Variants in HDAC4 observed in about 807,000 individuals in gnomAD.
HDAC4 encodes the protein histone deacetylase 4.
HDAC4 carries 16 observed loss-of-function variants against 135.1 expected under a neutral mutation model. The ratio of observed to expected loss-of-function variants is 0.12; its 90% CI spans 0.08 to 0.18. The LOEUF (loss-of-function observed/expected upper bound fraction) is 0.18, where lower values mean the gene tolerates loss of function less well. HDAC4 is among the 10% of genes least tolerant of loss of function. The pLI, the probability that HDAC4 is intolerant of heterozygous loss-of-function variation, is 1.00. For synonymous variants in HDAC4, 685 were observed against 653.4 expected (o/e 1.05, Z -0.74); for missense variants, 1,143 against 1,511.8 (o/e 0.76, Z 4.05).
At chr2:239,396,652 C>T (rs1306989345) in intron 1 of HDAC4, among the ~76,000 whole-genome samples, 1 of 152,182 alleles carries the variant, frequency 6.6e-6, no homozygotes, top group Non-Finnish European at 1.5e-5. Flanking sequence ...CTTACACAGG[C>T]ATAATGTGGT....
intron 2 of HDAC4, among the ~76,000 whole-genome samples, chr2:239,350,955 A>C (rs1693109200): frequency 6.6e-6 from 1 of 152,208 alleles, no homozygotes; most frequent in Non-Finnish European, 1.5e-5. Flanking sequence ...ACCCCCATTA[A>C]AATAATCAAG....
At chr2:239,229,699 G>A (rs116692796) in intron 3 of HDAC4, among the ~76,000 whole-genome samples, 361 of 152,280 alleles carry the variant, frequency 2.4e-3, no homozygotes, top group Middle Eastern at 6.8e-3. Context: ...CAGATCCTAG[G>A]CAGACTGAAA....
chr2:239,140,507 G>C (rs575315531), intron 8 of HDAC4, among the ~76,000 whole-genome samples: 1 of 152,134 alleles, frequency 6.6e-6, no homozygotes, highest in Non-Finnish European at 1.5e-5. Context: ...GGCCGCTGAG[G>C]CTCTCGATAT....
At chr2:239,304,607 A>G (rs146234695) in intron 2 of HDAC4, among the ~76,000 whole-genome samples, 1 of 152,128 alleles carries the variant, frequency 6.6e-6, no homozygotes, top group Non-Finnish European at 1.5e-5. Context: ...CTGGTGAAAA[A>G]ACCTCACACA....
intron 1 of HDAC4, among the ~76,000 whole-genome samples, chr2:239,386,449 C>A (rs1412351480): frequency 6.6e-6 from 1 of 152,104 alleles, no homozygotes; most frequent in Non-Finnish European, 1.5e-5. Context: ...CCAAGAGGAG[C>A]GTCAGCTGAG....
intron 2 of HDAC4, among the ~76,000 whole-genome samples, chr2:239,247,602 C>A (rs562425587): frequency 2.0e-5 from 3 of 152,212 alleles, no homozygotes; most frequent in Non-Finnish European, 4.4e-5. Flanking sequence ...ACTATACAGA[C>A]GAACCATTCT....
At chr2:239,165,666 T>C (rs1292950225) in intron 5 of HDAC4, among the ~76,000 whole-genome samples, 1 of 152,214 alleles carries the variant, frequency 6.6e-6, no homozygotes, top group Non-Finnish European at 1.5e-5. Flanking sequence ...CAGGTGCGCC[T>C]CAGGTGAGGT....
chr2:239,278,605 G>C (rs2050527654), intron 2 of HDAC4, among the ~76,000 whole-genome samples: 1 of 147,542 alleles, frequency 6.8e-6, no homozygotes, highest in Non-Finnish European at 1.5e-5. Flanking sequence ...CCAGGAGACA[G>C]AGGCTGCAGT....
chr2:239,368,407 C>T (rs143795990), intron 1 of HDAC4, among the ~76,000 whole-genome samples: 26 of 152,274 alleles, frequency 1.7e-4, no homozygotes, highest in African/African-American at 4.8e-4. Flanking sequence ...GCGTGGCTGG[C>T]GCTGCTGCAT....
At chr2:239,170,826 C>T (rs550245604) in intron 5 of HDAC4, among the ~76,000 whole-genome samples, 132 of 152,260 alleles carry the variant, frequency 8.7e-4, no homozygotes, top group African/African-American at 3.1e-3. Context: ...CAGTGGGTTT[C>T]GGAAGAGGCC....
In HDAC4 at chr2:239,087,630, G is replaced by C; in HGVS notation, c.2389-16C>G. The C allele has an allele frequency of 1.2e-6, 2 of 1,613,204 alleles. No homozygotes were observed. Among genetic ancestry groups the C allele is most frequent in the Non-Finnish European group, 1.7e-6 (2 of 1,179,630 alleles). ...CAAAGCCATTCTGCAGGTGACACCAGACAGCCAGGAGAGAGCAACAAAAGA... is the reference window on the plus strand; with the variant it reads ...CAAAGCCATTCTGCAGGTGACACCACACAGCCAGGAGAGAGCAACAAAAGA... On this transcript the variant is annotated splice_polypyrimidine_tract_variant and intron_variant, in intron 18 of 26. Coordinates refer to ENST00000543185, the MANE Select transcript of HDAC4 (RefSeq NM_001378414.1).
At chr2:239,072,473 A>G (rs2034298672) in intron 22 of HDAC4, among the ~76,000 whole-genome samples, 1 of 152,328 alleles carries the variant, frequency 6.6e-6, no homozygotes, top group African/African-American at 2.4e-5. Flanking sequence ...TGCTCAGCCC[A>G]GCCTGTCCTG....
chr2:239,133,702 C>T (rs895671351), intron 11 of HDAC4, among the ~76,000 whole-genome samples: 5 of 152,136 alleles, frequency 3.3e-5, no homozygotes, highest in Non-Finnish European at 4.4e-5. Flanking sequence ...CCTGACCTCA[C>T]GTGATCCGCC....
chr2:239,197,404 G>A (rs536741632), intron 3 of HDAC4, among the ~76,000 whole-genome samples: 116 of 152,280 alleles, frequency 7.6e-4, no homozygotes, highest in African/African-American at 2.3e-3. Context: ...TTTCGAAGCC[G>A]TGTGGTTTGG....
At chr2:239,181,908 C>T (rs899084259) in intron 4 of HDAC4, among the ~76,000 whole-genome samples, 4 of 152,200 alleles carry the variant, frequency 2.6e-5, no homozygotes, top group East Asian at 1.9e-4. Flanking sequence ...CGCCTAGAGA[C>T]GCCGACTTCC....
At position 239,352,229 on chromosome 2, in the gene HDAC4, G is replaced by C. The variant is rs868861715; in HGVS notation, c.22+449C>G. Among the ~76,000 whole-genome samples, 1 of 152,072 alleles carries C rather than the reference G, an allele frequency of 6.6e-6. No individual in the cohort carries two copies. The highest frequency in any genetic ancestry group is 2.1e-4 in the South Asian group (1 of 4,824). ...CCTCACAGAGGCCCTCAAACACCAG[G>C]AGCAACTGTGGCCACGACCTCAGTG... On this transcript the variant is annotated intron_variant, in intron 2 of 26. Coordinates refer to ENST00000543185, the MANE Select transcript of HDAC4 (RefSeq NM_001378414.1). The surrounding 1 kb of genome is among the most constrained non-coding windows in gnomAD (Gnocchi z 4.4).
intron 3 of HDAC4, among the ~76,000 whole-genome samples, chr2:239,222,534 CAAA>C (rs10716644): frequency 1.4e-3 from 155 of 112,244 alleles, no homozygotes; most frequent in African/African-American, 5.2e-3. Flanking sequence ...TACCCCATAC[CAAA>C]AAAAAAAAAA....
rs2052722262 is a variant in HDAC4 at position 239,308,580 on chromosome 2, G to A, written c.22+44098C>T. The stretch of plus-strand genomic sequence containing the variant: ...GATACTGCTTCCGGAACCACACTTC[G>A]TATCCAGGTGAGCTCGTTTTTTGTA... On this transcript the variant is annotated intron_variant, in intron 2 of 26. Transcript: ENST00000543185. This position sits in a 1 kb window ranked among gnomAD's most constrained non-coding sequence, Gnocchi z 4.2. 6.6e-6 allele frequency among the ~76,000 whole-genome samples: 1 copy of A among 152,172 alleles called. No individual in the cohort carries two copies. Among genetic ancestry groups the A allele is most frequent in the Non-Finnish European group, 1.5e-5 (1 of 68,028 alleles).
intron 2 of HDAC4, among the ~76,000 whole-genome samples, chr2:239,252,642 C>T (rs898135993): frequency 1.3e-5 from 2 of 152,178 alleles, no homozygotes; most frequent in African/African-American, 2.4e-5. Context: ...GGTCTGTGCC[C>T]GCCACCTCCT....
Sources: gnomAD v4.1 joint callset for allele counts (sites outside exome capture counted in the v4.1 genomes callset) on GRCh38, gnomAD v4.1.1 for gene constraint, Gnocchi (gnomAD v3.1) non-coding constraint, MANE v1.5 for transcripts, NCBI Gene and HGNC (gene_info 2026-07-23, HGNC 2026-07-21) for gene names.